The following COL22A1 variants were observed in gnomAD, a reference collection of about 807,000 sequenced individuals.
COL22A1 encodes the protein collagen alpha-1(XXII) chain.
A neutral mutation model predicts 248.9 loss-of-function variants in COL22A1; 221 were observed. The observed-to-expected ratio is 0.89, with a 90% confidence interval of 0.80 to 0.99. The LOEUF is 0.99. Ranked by LOEUF, COL22A1 falls within the 50% of genes least tolerant of loss-of-function variation. The pLI, the probability that COL22A1 is intolerant of heterozygous loss-of-function variation, is 0.00. For missense variants in COL22A1, 2,240 were observed against 2,179.0 expected, an observed-to-expected ratio of 1.03 and a Z score of -0.56; for synonymous variants, 891 against 793.4, an observed-to-expected ratio of 1.12 and a Z score of -2.07.
At chr8:138,731,073 G>A (rs572450637) in intron 23 of COL22A1, among the ~76,000 whole-genome samples, 242 of 152,176 alleles carry the variant, frequency 1.6e-3, no homozygotes, top group Middle Eastern at 3.4e-3. Context: ...AGGCCGAGGC[G>A]GGCAGATCAC....
intron 22 of COL22A1, among the ~76,000 whole-genome samples, chr8:138,750,284 C>T (rs1013817569): frequency 2.0e-5 from 3 of 152,196 alleles, no homozygotes; most frequent in Non-Finnish European, 2.9e-5. Flanking sequence ...AGTGCACCTT[C>T]CTGATGCCTT....
chr8:138,791,046 A>T (rs1166258899), intron 12 of COL22A1, among the ~76,000 whole-genome samples: 1 of 152,144 alleles, frequency 6.6e-6, no homozygotes, highest in Non-Finnish European at 1.5e-5. Context: ...AATCAATCCC[A>T]TGAATGTGTG....
intron 21 of COL22A1, among the ~76,000 whole-genome samples, chr8:138,754,416 C>T (rs1232331282): frequency 2.0e-5 from 3 of 152,288 alleles, no homozygotes; most frequent in East Asian, 1.9e-4. Flanking sequence ...CCAGCAAAAA[C>T]ATATAAATAT....
chr8:138,805,983 TGTGTGTGATG>T (rs1191794567), intron 10 of COL22A1, among the ~76,000 whole-genome samples: 2 of 84,294 alleles, frequency 2.4e-5, no homozygotes, highest in African/African-American at 8.1e-5. Flanking sequence ...TGTGTGTGAT[TGTGTGTGATG>T]GTGTGTGTGT....
At chr8:138,629,220 G>A (rs754261780) in intron 50 of COL22A1, among the ~76,000 whole-genome samples, 7 of 152,074 alleles carry the variant, frequency 4.6e-5, no homozygotes, top group Non-Finnish European at 8.8e-5. Context: ...GCAGTGGTGC[G>A]ATCTCAGTTC....
intron 3 of COL22A1, among the ~76,000 whole-genome samples, chr8:138,846,617 G>T (rs1363645441): frequency 1.3e-5 from 2 of 151,942 alleles, no homozygotes; most frequent in Admixed American, 1.3e-4. Flanking sequence ...AGCCTTCCTG[G>T]GGATGGTGGG....
In COL22A1 at chr8:138,802,911, C is replaced by A. The variant is rs575514821; in HGVS notation, c.1518G>T (p.Pro506=). 792 of 1,613,922 alleles carry A rather than the reference C, an allele frequency of 4.9e-4. 15 individuals are homozygous for A. The South Asian group carries it at 7.7e-3, about 16-fold the overall frequency. ...GPKGDIGAIG[P]VGAPGPKGEK... ...CTCCCTTAGGTCCAGGAGCGCCAAC[C>A]GGCCCAATGGCTCCTATGTCTCCCT... The change falls in exon 11 of 65, where the codon CCG becomes CCT. Residue 506 remains proline (P), a synonymous_variant. Transcript: ENST00000303045.
intron 47 of COL22A1, among the ~76,000 whole-genome samples, chr8:138,642,180 G>A (rs1203245718): frequency 6.6e-6 from 1 of 152,188 alleles, no homozygotes; most frequent in Admixed American, 6.5e-5. Flanking sequence ...CTGTTACTAA[G>A]GAGTATGACA....
At chr8:138,601,661 G>C (rs574180398) in intron 60 of COL22A1, among the ~76,000 whole-genome samples, 22 of 152,264 alleles carry the variant, frequency 1.4e-4, no homozygotes, top group African/African-American at 5.3e-4. Flanking sequence ...GTAAAGAAAG[G>C]CTTTCTGAGT....
intron 58 of COL22A1, among the ~76,000 whole-genome samples, chr8:138,605,939 T>A (rs895297566): frequency 6.6e-6 from 1 of 152,144 alleles, no homozygotes; most frequent in Non-Finnish European, 1.5e-5. Flanking sequence ...TACTATTATT[T>A]CCAGGGGTCC....
Position 138,606,320 on chromosome 8 carries a change from G to A in COL22A1, c.4104+61C>T, listed in dbSNP as rs564558526. On this transcript the variant is annotated intron_variant, in intron 58 of 64. Transcript: ENST00000303045. Reference sequence around the variant, plus strand: ...CACAGGAGGTGGCAGGGAAGGTACTGCATGTGAACATCACTACCTGGAGCC... The same window carrying A: ...CACAGGAGGTGGCAGGGAAGGTACTACATGTGAACATCACTACCTGGAGCC... The A allele has an allele frequency of 2.1e-6, 3 of 1,437,044 alleles. No homozygotes were observed. The African/African-American group carries it at 4.2e-5, about 20-fold the overall frequency. The allele number at this position is 1,437,044 out of a possible 1,614,324, so 89.0% of individuals were successfully genotyped here.
chr8:138,767,280 C>A (rs959051745), intron 16 of COL22A1, among the ~76,000 whole-genome samples: 5 of 152,038 alleles, frequency 3.3e-5, no homozygotes, highest in Non-Finnish European at 5.9e-5. Context: ...GAAAGAAAGA[C>A]AAAGAAATCA....
intron 16 of COL22A1, among the ~76,000 whole-genome samples, chr8:138,773,327 T>TA (rs1359715855): frequency 6.6e-6 from 1 of 152,116 alleles, no homozygotes; most frequent in Non-Finnish European, 1.5e-5. Context: ...ACCACATTGG[T>TA]ACTGGATTTG....
chr8:138,683,244 T>C (rs371056474), intron 39 of COL22A1, among the ~76,000 whole-genome samples: 11 of 152,260 alleles, frequency 7.2e-5, no homozygotes, highest in Admixed American at 4.6e-4. Context: ...ATCTTACACA[T>C]GTGGTAAGAA....
intron 22 of COL22A1, among the ~76,000 whole-genome samples, chr8:138,742,365 T>C (rs1021300790): frequency 6.6e-6 from 1 of 152,030 alleles, no homozygotes; most frequent in African/African-American, 2.4e-5. Flanking sequence ...ATGGTGGAGT[T>C]GATGGTGATG....
At chr8:138,752,041 C>A (rs1271553973) in intron 21 of COL22A1, among the ~76,000 whole-genome samples, 1 of 152,224 alleles carries the variant, frequency 6.6e-6, no homozygotes. Flanking sequence ...ATCCTGCCCC[C>A]TCGTCCTGCC....
At chr8:138,689,924 A>G (rs1826691770) in intron 36 of COL22A1, among the ~76,000 whole-genome samples, 1 of 152,168 alleles carries the variant, frequency 6.6e-6, no homozygotes, top group African/African-American at 2.4e-5. Context: ...TACTCTTTAG[A>G]GGCCAGAGAA....
chr8:138,616,714 A>G (rs1212882176), intron 54 of COL22A1, among the ~76,000 whole-genome samples, 200 bp downstream of exon 54: 1 of 152,194 alleles, frequency 6.6e-6, no homozygotes, highest in South Asian at 2.1e-4. Context: ...GCCCCCAGAA[A>G]AACCACCTGA....
intron 1 of COL22A1, among the ~76,000 whole-genome samples, chr8:138,893,187 A>G (rs1254282305): frequency 3.3e-5 from 5 of 152,218 alleles, no homozygotes; most frequent in Non-Finnish European, 5.9e-5. Flanking sequence ...AGTCCTCTTC[A>G]GTCAACAAAT....
Sources: allele counts gnomAD v4.1 joint callset (sites outside exome capture counted in the v4.1 genomes callset), GRCh38; gene constraint gnomAD v4.1.1; transcripts MANE v1.5; gene names NCBI Gene and HGNC (gene_info 2026-07-23, HGNC 2026-07-21).